PARD6B: variants seen among roughly 807,000 people sequenced by gnomAD.
PARD6B encodes the protein par-6 family cell polarity regulator beta, also known as partitioning defective 6 homolog beta.
A neutral mutation model predicts 10.5 loss-of-function variants in PARD6B; 4 were observed. The observed-to-expected ratio is 0.38, with a 90% CI of 0.19 to 0.87. PARD6B has a LOEUF of 0.87. Among genes scored for constraint, PARD6B ranks in the 40% least tolerant of loss-of-function variants. PARD6B has a pLI of 0.41. For missense variants in PARD6B, 396 were observed against 470.6 expected, an observed-to-expected ratio of 0.84 and a Z score of 1.47; for synonymous variants, 169 against 170.4, an observed-to-expected ratio of 0.99 and a Z score of 0.07.
At chr20:50,734,409 C>G (rs115049962) in intron 1 of PARD6B, among the ~76,000 whole-genome samples, 3 of 151,962 alleles carry the variant, frequency 2.0e-5, no homozygotes, top group African/African-American at 7.3e-5. Context: ...TACAATGGCA[C>G]GATCACGGCT....
intron 1 of PARD6B, among the ~76,000 whole-genome samples, 171 bp downstream of exon 1, chr20:50,732,023 G>T (rs552538959): frequency 1.3e-5 from 2 of 152,306 alleles, no homozygotes; most frequent in South Asian, 4.1e-4. Flanking sequence ...GGGTGGCGGG[G>T]GTCAGGGGGC....
At position 50,752,997 on chromosome 20, in the gene PARD6B, G is replaced by C. The variant is rs2087622510; in HGVS notation, c.*2509G>C. ...GGCAAAATAATGTTAGTATGTAGAAGGTTAACTTTCATTTATAATATAAGT... is the reference window on the plus strand; with the variant it reads ...GGCAAAATAATGTTAGTATGTAGAACGTTAACTTTCATTTATAATATAAGT... On this transcript the variant is annotated 3_prime_UTR_variant, in exon 3 of 3. Coordinates refer to ENST00000371610, the MANE Select transcript of PARD6B (RefSeq NM_032521.3). The C allele has an allele frequency of 1.0e-6, 1 of 983,614 alleles. No individual in the cohort carries two copies. The allele number at this position is 983,614 out of a possible 1,614,324, so 60.9% of individuals were successfully genotyped here. A position where few individuals can be genotyped will look rare whatever the true frequency, so the allele number is the denominator to read the frequency against.
intron 2 of PARD6B, among the ~76,000 whole-genome samples, chr20:50,740,122 C>T (rs2087523432): frequency 6.6e-6 from 1 of 152,086 alleles, no homozygotes; most frequent in Admixed American, 6.5e-5. Flanking sequence ...GACAAAAGTT[C>T]AGGGTAGAAA....
rs1458566355 is a variant in PARD6B, at chr20:50,753,169, TTTATC to T, written c.*2684_*2688del. The T allele has an allele frequency of 4.7e-5, 46 of 985,030 alleles. No homozygotes were observed. Among genetic ancestry groups the T allele is most frequent in the Middle Eastern group, 1.0e-3 (2 of 1,936 alleles). The allele number at this position is 985,030 out of a possible 1,614,324, so 61.0% of individuals were successfully genotyped here. ...ACAAATTTTAACTGTAAAATACAGA[TTTATC>T]TTGTACGCATTCATGGAAATGGAAA... On this transcript the variant is annotated 3_prime_UTR_variant, in exon 3 of 3. Transcript: ENST00000371610.
At chr20:50,735,297 T>C (rs1336146671) in intron 1 of PARD6B, among the ~76,000 whole-genome samples, 2 of 152,254 alleles carry the variant, frequency 1.3e-5, no homozygotes, top group African/African-American at 4.8e-5. Flanking sequence ...TGACTTTTCT[T>C]TGGTAACTGT....
intron 2 of PARD6B, among the ~76,000 whole-genome samples, chr20:50,746,854 A>T (rs1422418905): frequency 6.6e-6 from 1 of 152,224 alleles, no homozygotes; most frequent in African/African-American, 2.4e-5. Flanking sequence ...GGCTTTCCTT[A>T]TTGATTGTTT....
At chr20:50,741,708 A>AT (rs369379470) in intron 2 of PARD6B, among the ~76,000 whole-genome samples, 30 of 146,540 alleles carry the variant, frequency 2.0e-4, no homozygotes, top group South Asian at 1.5e-3. Flanking sequence ...CACCCGGCTA[A>AT]TTTTTTTTTT....
chr20:50,751,101 C>A lies in PARD6B; in HGVS notation c.*613C>A. 1 of 489,226 alleles carries A rather than the reference C, an allele frequency of 2.0e-6. No individual in the cohort carries two copies. The highest frequency in any genetic ancestry group is 2.6e-6 in the Non-Finnish European group (1 of 377,842). 30.3% of individuals were successfully genotyped at this position (489,226 alleles called of 1,614,324 possible). The stretch of plus-strand genomic sequence containing the variant: ...CCTCCCACCTCAGCCTCCTGAGTAG[C>A]TGGGACCATAGGCACATACCACCAC... On this transcript the variant is annotated 3_prime_UTR_variant, in exon 3 of 3. Coordinates refer to ENST00000371610, the MANE Select transcript of PARD6B (RefSeq NM_032521.3).
intron 2 of PARD6B, among the ~76,000 whole-genome samples, chr20:50,742,269 C>T (rs1568996833): frequency 2.0e-5 from 3 of 152,136 alleles, no homozygotes; most frequent in Non-Finnish European, 4.4e-5. Context: ...TTCTCAAACT[C>T]CTGACCTCAA....
At position 50,751,116 on chromosome 20, in the gene PARD6B, C is replaced by A. The variant is rs1202553628; in HGVS notation, c.*628C>A. 4.0e-6 allele frequency: 2 copies of A among 499,432 alleles called. No homozygotes were observed. Among genetic ancestry groups the A allele is most frequent in the Non-Finnish European group, 2.6e-6 (1 of 387,088 alleles). The allele number at this position is 499,432 out of a possible 1,614,324, so 30.9% of individuals were successfully genotyped here. On this transcript the variant is annotated 3_prime_UTR_variant, in exon 3 of 3. Coordinates refer to ENST00000371610, the MANE Select transcript of PARD6B (RefSeq NM_032521.3). ...TCCTGAGTAGCTGGGACCATAGGCA[C>A]ATACCACCACATCTGTCTACTTTTT...
chr20:50,745,699 G>A (rs1275544135), intron 2 of PARD6B, among the ~76,000 whole-genome samples: 3 of 152,078 alleles, frequency 2.0e-5, no homozygotes, highest in African/African-American at 7.2e-5. Flanking sequence ...TAGAGACAGG[G>A]TCCTGCTATG....
At position 50,751,168 on chromosome 20, in the gene PARD6B, C is replaced by T; in HGVS notation, c.*680C>T. 2 of 729,492 alleles carry T rather than the reference C, an allele frequency of 2.7e-6. No homozygotes were observed. The highest frequency in any genetic ancestry group is 3.3e-6 in the Non-Finnish European group (2 of 597,872). 45.2% of individuals were successfully genotyped at this position (729,492 alleles called of 1,614,324 possible). On this transcript the variant is annotated 3_prime_UTR_variant, in exon 3 of 3. Transcript: ENST00000371610. ...TATTTTTTGTAGAGACAGGGTTTCGCCATGTTGCCCAAGTTGGTCTTGAAC... is the reference window on the plus strand; with the variant it reads ...TATTTTTTGTAGAGACAGGGTTTCGTCATGTTGCCCAAGTTGGTCTTGAAC...
At chr20:50,734,315 G>A (rs922110652) in intron 1 of PARD6B, among the ~76,000 whole-genome samples, 11 of 151,834 alleles carry the variant, frequency 7.2e-5, no homozygotes, top group African/African-American at 2.7e-4. Flanking sequence ...AAAACTGATT[G>A]CTAAGAGTTT....
chr20:50,731,969 A>G (rs1253237113), intron 1 of PARD6B, 117 bp downstream of exon 1: 2 of 871,734 alleles, frequency 2.3e-6, no homozygotes, highest in Middle Eastern at 3.9e-4. Context: ...CGGGGTCTGG[A>G]CGGTGCGGTC....
chr20:50,731,892 G>C, intron 1 of PARD6B, 40 bp downstream of exon 1: 1 of 1,377,496 alleles, frequency 7.3e-7, no homozygotes, highest in East Asian at 3.1e-5. Flanking sequence ...CGGGCCTGGG[G>C]GGCCGGGGCC....
chr20:50,749,631 A>G (rs368652098), intron 2 of PARD6B, 28 bp from the exon 3 acceptor site: 7 of 1,509,316 alleles, frequency 4.6e-6, no homozygotes, highest in Admixed American at 4.5e-5. Context: ...CAGCATTTCT[A>G]TAATTATTTT....
At position 50,750,976 on chromosome 20, in the gene PARD6B, T is replaced by TTTTTTTTTTTA. The variant is rs2087604376; in HGVS notation, c.*489_*499dup. On this transcript the variant is annotated 3_prime_UTR_variant, in exon 3 of 3. Coordinates refer to ENST00000371610, the MANE Select transcript of PARD6B (RefSeq NM_032521.3). ...TTGATTTTTTTTTTTTTTTTTTTTT[T>TTTTTTTTTTTA]TTTTTTTTTTAGTGACTGGGTCTCA... The TTTTTTTTTTTA allele has an allele frequency of 2.0e-6, 1 of 493,702 alleles. No homozygotes were observed. The highest frequency in any genetic ancestry group is 2.5e-6 in the Non-Finnish European group (1 of 404,524). The allele number at this position is 493,702 out of a possible 1,614,324, so 30.6% of individuals were successfully genotyped here. A position where few individuals can be genotyped will look rare whatever the true frequency, so the allele number is the denominator to read the frequency against.
intron 2 of PARD6B, among the ~76,000 whole-genome samples, chr20:50,739,311 G>T (rs560700359): frequency 7.9e-5 from 12 of 152,156 alleles, no homozygotes; most frequent in Middle Eastern, 6.8e-3. Context: ...GCTGGGCATG[G>T]TGGCACATGT....
At position 50,751,857 on chromosome 20, in the gene PARD6B, A is replaced by T; in HGVS notation, c.*1369A>T. ...GCTAAGATTACAGGTGTGCGCCAAC[A>T]CGTCTGGCTTATTTTTTTGTATTTT... On this transcript the variant is annotated 3_prime_UTR_variant, in exon 3 of 3. Transcript: ENST00000371610. 1 of 869,066 alleles carries T rather than the reference A, an allele frequency of 1.2e-6. No individual in the cohort carries two copies. The highest frequency in any genetic ancestry group is 1.4e-6 in the Non-Finnish European group (1 of 724,960). The allele number at this position is 869,066 out of a possible 1,614,324, so 53.8% of individuals were successfully genotyped here. A position where few individuals can be genotyped will look rare whatever the true frequency, so the allele number is the denominator to read the frequency against.
Sources: gnomAD v4.1 joint callset for allele counts (sites outside exome capture counted in the v4.1 genomes callset) on GRCh38, gnomAD v4.1.1 for gene constraint, MANE v1.5 for transcripts, NCBI Gene and HGNC (gene_info 2026-07-23, HGNC 2026-07-21) for gene names.